The following GALNT17 variants were observed in gnomAD, a reference collection of about 807,000 sequenced individuals.
GALNT17 encodes the protein polypeptide N-acetylgalactosaminyltransferase 17.
GALNT17 carries 29 observed loss-of-function variants against 63.7 expected under a neutral mutation model. That is an observed-to-expected ratio of 0.46 (90% CI 0.34 to 0.62). The LOEUF (loss-of-function observed/expected upper bound fraction) is 0.62. Ranked by LOEUF, GALNT17 falls within the 20% of genes least tolerant of loss-of-function variation. The pLI is 0.01. For missense variants in GALNT17, 603 were observed against 799.6 expected (o/e 0.75, Z 2.97); for synonymous variants, 305 against 318.3 (o/e 0.96, Z 0.45).
chr7:71,669,916 C>A, intron 7 of GALNT17, 56 bp from the exon 8 acceptor site: 1 of 1,599,306 alleles, frequency 6.3e-7, no homozygotes, highest in Admixed American at 1.7e-5. Flanking sequence ...ACCTGTGCCC[C>A]ACTCTGGCCA....
At chr7:71,649,016 C>T (rs1219680658) in intron 6 of GALNT17, among the ~76,000 whole-genome samples, 1 of 152,204 alleles carries the variant, frequency 6.6e-6, no homozygotes, top group African/African-American at 2.4e-5. Context: ...TTTTAGGGTC[C>T]TCTTCATCCT....
chr7:71,528,620 T>G (rs931137067), intron 5 of GALNT17, among the ~76,000 whole-genome samples: 1 of 152,146 alleles, frequency 6.6e-6, no homozygotes, highest in African/African-American at 2.4e-5. Flanking sequence ...AAAGTGTGCC[T>G]GAAGATCTTG....
intron 6 of GALNT17, among the ~76,000 whole-genome samples, chr7:71,601,325 A>G (rs1789964423): frequency 6.6e-6 from 1 of 152,134 alleles, no homozygotes; most frequent in Non-Finnish European, 1.5e-5. Flanking sequence ...ATCAAATGGT[A>G]GTTCTACTTT....
intron 1 of GALNT17, among the ~76,000 whole-genome samples, chr7:71,256,965 A>G (rs948547052): frequency 6.6e-6 from 1 of 152,168 alleles, no homozygotes; most frequent in African/African-American, 2.4e-5. Context: ...GAGTTTTTCT[A>G]AAAGGACTCT....
At chr7:71,582,571 C>A (rs1236140856) in intron 6 of GALNT17, among the ~76,000 whole-genome samples, 1 of 151,826 alleles carries the variant, frequency 6.6e-6, no homozygotes, top group South Asian at 2.1e-4. Context: ...CAGAGCAAGA[C>A]TCCGTCTCAA....
chr7:71,673,894 T>C (rs2117061256), intron 8 of GALNT17, among the ~76,000 whole-genome samples: 1 of 152,336 alleles, frequency 6.6e-6, no homozygotes, highest in South Asian at 2.1e-4. Context: ...TCTGGGGCTA[T>C]AGGCATAAAC....
At chr7:71,134,956 A>C (rs1787755823) in intron 1 of GALNT17, among the ~76,000 whole-genome samples, 1 of 141,224 alleles carries the variant, frequency 7.1e-6, no homozygotes. Context: ...GGCTCAAGTC[A>C]TTCTCTGGCC....
intron 2 of GALNT17, among the ~76,000 whole-genome samples, chr7:71,358,461 C>T (rs2116217485): frequency 6.6e-6 from 1 of 152,294 alleles, no homozygotes; most frequent in South Asian, 2.1e-4. Context: ...AGCTCGTTTT[C>T]CATATTTTCA....
chr7:71,245,667 A>G (rs567602393), intron 1 of GALNT17, among the ~76,000 whole-genome samples: 1 of 152,260 alleles, frequency 6.6e-6, no homozygotes, highest in Non-Finnish European at 1.5e-5. Context: ...TGTCTCTTTA[A>G]TGGGCAAAGG....
At position 71,149,281 on chromosome 7, in the gene GALNT17, G is replaced by T. The variant is rs543345004; in HGVS notation, c.238+16241G>T. Reference sequence around the variant, plus strand: ...CAAGTATTTTGTGTTAACTTAATTCGACATCACACCTATTTATACTATTAT... The same window carrying T: ...CAAGTATTTTGTGTTAACTTAATTCTACATCACACCTATTTATACTATTAT... On this transcript the variant is annotated intron_variant, in intron 1 of 10. Transcript: ENST00000333538. 3.9e-5 allele frequency among the ~76,000 whole-genome samples: 6 copies of T among 152,136 alleles called. No individual in the cohort carries two copies. In the South Asian group the frequency reaches 1.2e-3, roughly 32 times the overall value.
At chr7:71,356,944 G>A (rs112373769) in intron 2 of GALNT17, among the ~76,000 whole-genome samples, 11 of 151,930 alleles carry the variant, frequency 7.2e-5, no homozygotes, top group African/African-American at 2.7e-4. Flanking sequence ...ACCATGCCTG[G>A]CTAATTTTTG....
At chr7:71,217,877 G>A (rs1297999365) in intron 1 of GALNT17, among the ~76,000 whole-genome samples, 4 of 151,498 alleles carry the variant, frequency 2.6e-5, no homozygotes, top group East Asian at 2.0e-4. Flanking sequence ...GCAATGAGCC[G>A]AGATCGCACC....
chr7:71,651,480 T>G (rs1410353741), intron 6 of GALNT17, among the ~76,000 whole-genome samples: 1 of 152,088 alleles, frequency 6.6e-6, no homozygotes, highest in Non-Finnish European at 1.5e-5. Context: ...TTTTTTGTAT[T>G]TTTAGTAGAC....
chr7:71,524,796 C>T (rs753150026), intron 5 of GALNT17, among the ~76,000 whole-genome samples: 5 of 152,106 alleles, frequency 3.3e-5, no homozygotes, highest in Non-Finnish European at 5.9e-5. Flanking sequence ...CTTTCTGTGT[C>T]ATTTTGATTT....
At chr7:71,667,482 A>G (rs1356670107) in intron 7 of GALNT17, among the ~76,000 whole-genome samples, 1 of 152,200 alleles carries the variant, frequency 6.6e-6, no homozygotes, top group Non-Finnish European at 1.5e-5. Context: ...ATGACATAAG[A>G]ACTGTCTGCC....
At position 71,369,744 on chromosome 7, in the gene GALNT17, G is replaced by A. The variant is rs369652625; in HGVS notation, c.423-18491G>A. Reference sequence around the variant, plus strand: ...ACAAGAATCACTTGAACCCAGAGGCGGAGGTTGCAGTGAGCTGAGATCGCA... The same window carrying A: ...ACAAGAATCACTTGAACCCAGAGGCAGAGGTTGCAGTGAGCTGAGATCGCA... On this transcript the variant is annotated intron_variant, in intron 2 of 10. Coordinates refer to ENST00000333538, the MANE Select transcript of GALNT17 (RefSeq NM_022479.3). Among the ~76,000 whole-genome samples the A allele has an allele frequency of 4.2e-4, 64 of 151,054 alleles. No individual in the cohort carries two copies. In the East Asian group the frequency reaches 5.5e-3, roughly 13 times the overall value.
chr7:71,491,050 C>T (rs897281145), intron 5 of GALNT17, among the ~76,000 whole-genome samples: 4 of 151,858 alleles, frequency 2.6e-5, no homozygotes, highest in African/African-American at 4.8e-5. Flanking sequence ...CAAAATTAGC[C>T]GGGTAGGGTG....
chr7:71,243,160 A>T (rs975384252), intron 1 of GALNT17, among the ~76,000 whole-genome samples: 2 of 152,102 alleles, frequency 1.3e-5, no homozygotes, highest in African/African-American at 4.8e-5. Context: ...TGGTTTTACA[A>T]GGCAGTTTTC....
intron 1 of GALNT17, among the ~76,000 whole-genome samples, chr7:71,265,401 A>G (rs971922506): frequency 2.0e-5 from 3 of 151,874 alleles, no homozygotes; most frequent in Admixed American, 6.6e-5. Flanking sequence ...TTGGGATTAC[A>G]GACGTGAGCC....
Sources: allele counts gnomAD v4.1 joint callset (sites outside exome capture counted in the v4.1 genomes callset), GRCh38; gene constraint gnomAD v4.1.1; transcripts MANE v1.5; gene names NCBI Gene and HGNC (gene_info 2026-07-23, HGNC 2026-07-21).